Variants in CCDC38 observed in about 807,000 individuals in gnomAD.
CCDC38 encodes coiled-coil domain-containing protein 38.
CCDC38 carries 69 observed loss-of-function variants against 72.8 expected under a neutral mutation model. The observed-to-expected ratio is 0.95, with a 90% CI of 0.78 to 1.16. The LOEUF is 1.16. Among genes scored for constraint, CCDC38 ranks in the 50% most tolerant of loss-of-function variants. CCDC38 has a pLI of 0.00. For missense variants in CCDC38, 626 were observed against 638.9 expected (o/e 0.98, Z 0.22); for synonymous variants, 201 against 213.2 (o/e 0.94, Z 0.50).
chr12:95,871,637 C>T (rs537487032), intron 14 of CCDC38, among the ~76,000 whole-genome samples: 20 of 117,164 alleles, frequency 1.7e-4, no homozygotes, highest in African/African-American at 6.5e-4. Flanking sequence ...TGGGTTGGGG[C>T]TCCAGGGATG....
intron 14 of CCDC38, among the ~76,000 whole-genome samples, chr12:95,870,043 C>T (rs574375976): frequency 1.3e-5 from 2 of 152,108 alleles, no homozygotes; most frequent in Non-Finnish European, 2.9e-5. Context: ...AGGCCGGTCT[C>T]GAACTCCTGA....
At position 95,898,402 on chromosome 12, in the gene CCDC38, C is replaced by T; in HGVS notation, c.597G>A (p.Glu199=). The T allele has an allele frequency of 5.0e-6, 8 of 1,614,188 alleles. No homozygotes were observed. The highest frequency in any genetic ancestry group is 6.8e-6 in the Non-Finnish European group (8 of 1,180,032). ...ACCCTCACCTTTTCACTGCTTGTACCTCCATGCTTGCTTTCTTCAGCTCTG... is the reference window on the plus strand; with the variant it reads ...ACCCTCACCTTTTCACTGCTTGTACTTCCATGCTTGCTTTCTTCAGCTCTG... The part of the protein sequence containing the change: ...MTAELKKASM[E]VQAVKSEIAK... The change falls in exon 7 of 16, where the codon GAG becomes GAA. Residue 199 remains glutamate, a synonymous_variant. Coordinates refer to ENST00000344280, the MANE Select transcript of CCDC38 (RefSeq NM_182496.3).
At chr12:95,868,126 G>T (rs1480363273) in intron 15 of CCDC38, among the ~76,000 whole-genome samples, 1 of 152,192 alleles carries the variant, frequency 6.6e-6, no homozygotes, top group Non-Finnish European at 1.5e-5. Flanking sequence ...TAGCAATGAT[G>T]AAGTGTCCTA....
chr12:95,896,654 G>C (rs1385479534), intron 7 of CCDC38: 1 of 152,186 alleles, frequency 6.6e-6, no homozygotes, highest in Non-Finnish European at 1.5e-5. Flanking sequence ...GGTGACAATT[G>C]GCTGGAAAGA....
At chr12:95,921,208 T>C (rs1449151204) in intron 2 of CCDC38, among the ~76,000 whole-genome samples, 1 of 152,188 alleles carries the variant, frequency 6.6e-6, no homozygotes. Flanking sequence ...CTTTATAACA[T>C]TTGATATGAC....
intron 14 of CCDC38, among the ~76,000 whole-genome samples, chr12:95,870,929 C>A (rs1010519993): frequency 6.6e-6 from 1 of 152,204 alleles, no homozygotes; most frequent in African/African-American, 2.4e-5. Context: ...TCACAACAAC[C>A]TGTATTTATC....
intron 4 of CCDC38, among the ~76,000 whole-genome samples, chr12:95,916,310 A>C (rs12230661): frequency 6.6e-6 from 1 of 151,768 alleles, no homozygotes; most frequent in Non-Finnish European, 1.5e-5. Context: ...TCTCTGAAAA[A>C]TTTTTTTACA....
At chr12:95,876,735 T>G (rs1479898199) in intron 13 of CCDC38, among the ~76,000 whole-genome samples, 1 of 152,174 alleles carries the variant, frequency 6.6e-6, no homozygotes, top group Non-Finnish European at 1.5e-5. Flanking sequence ...TTGTGCTTTT[T>G]GTAACCCTGT....
chr12:95,872,560 A>C (rs2079592893), intron 13 of CCDC38, 100 bp from the exon 14 acceptor site: 2 of 750,532 alleles, frequency 2.7e-6, no homozygotes, highest in Middle Eastern at 3.2e-4. Context: ...TATGCTATTA[A>C]ATGTTTACAT....
intron 2 of CCDC38, among the ~76,000 whole-genome samples, chr12:95,920,267 G>A (rs1592795382): frequency 1.3e-5 from 2 of 152,034 alleles, no homozygotes; most frequent in East Asian, 3.9e-4. Context: ...TTTTATAAAG[G>A]GGAGTTCCCC....
At chr12:95,877,349 T>G (rs2079646912) in intron 13 of CCDC38, among the ~76,000 whole-genome samples, 1 of 152,236 alleles carries the variant, frequency 6.6e-6, no homozygotes, top group Non-Finnish European at 1.5e-5. Context: ...TTTGTAGTTT[T>G]GAGTTGGTCT....
Position 95,918,991 on chromosome 12 carries a change from AG to A in CCDC38, c.38-16del, listed in dbSNP as rs1565962416. 2.1e-6 allele frequency: 3 copies of A among 1,459,356 alleles called. No individual in the cohort carries two copies. The South Asian group carries it at 3.4e-5, about 17-fold the overall frequency. The allele number at this position is 1,459,356 out of a possible 1,614,324, so 90.4% of individuals were successfully genotyped here. On this transcript the variant is annotated splice_polypyrimidine_tract_variant and intron_variant, in intron 2 of 15. Coordinates refer to ENST00000344280, the MANE Select transcript of CCDC38 (RefSeq NM_182496.3). ...TTTTACTTTACCTGTTAAAAAAGAA[AG>A]AATGAATGAATGAATTCTGTCATCC...
chr12:95,923,699 C>T (rs865873365), intron 2 of CCDC38, among the ~76,000 whole-genome samples: 1 of 152,116 alleles, frequency 6.6e-6, no homozygotes, highest in Non-Finnish European at 1.5e-5. Flanking sequence ...CCACTCCCCC[C>T]ACTCCACAAC....
At chr12:95,894,850 G>A in intron 8 of CCDC38, 139 bp downstream of exon 8, 1 of 675,378 alleles carries the variant, frequency 1.5e-6, no homozygotes, top group Non-Finnish European at 2.4e-6. Flanking sequence ...CCAAATTAAT[G>A]ATATACAATA....
chr12:95,914,396 A>G (rs1287728851), intron 4 of CCDC38, among the ~76,000 whole-genome samples: 2 of 152,210 alleles, frequency 1.3e-5, no homozygotes, highest in African/African-American at 4.8e-5. Flanking sequence ...GTAAAGAGCC[A>G]TATAATGTTC....
At chr12:95,884,874 A>T (rs545085683) in intron 10 of CCDC38, among the ~76,000 whole-genome samples, 30 of 152,082 alleles carry the variant, frequency 2.0e-4, no homozygotes, top group East Asian at 1.9e-3. Context: ...AAATATATAT[A>T]TTTTTTCCAG....
At chr12:95,928,126 C>A (rs2136734651) in intron 2 of CCDC38, among the ~76,000 whole-genome samples, 1 of 151,598 alleles carries the variant, frequency 6.6e-6, no homozygotes, top group East Asian at 1.9e-4. Flanking sequence ...TAATATCCTG[C>A]AGAGTGTTTT....
At chr12:95,893,482 C>CTCTCTT (rs1555228389) in intron 8 of CCDC38, among the ~76,000 whole-genome samples, 13,563 of 129,470 alleles carry the variant, frequency 0.1, 1,263 homozygotes, top group African/African-American at 0.25. Flanking sequence ...CTCTCTCTCT[C>CTCTCTT]TCTTTCTTTC....
intron 4 of CCDC38, among the ~76,000 whole-genome samples, chr12:95,916,284 T>C (rs1008037737): frequency 9.9e-5 from 15 of 152,018 alleles, no homozygotes; most frequent in Non-Finnish European, 1.8e-4. Context: ...AGCCCTTCCC[T>C]AAGTGGTTTG....
Sources: gnomAD v4.1 joint callset for allele counts (sites outside exome capture counted in the v4.1 genomes callset) on GRCh38, gnomAD v4.1.1 for gene constraint, MANE v1.5 for transcripts, NCBI Gene and HGNC (gene_info 2026-07-23, HGNC 2026-07-21) for gene names.